NWD2: variants seen among roughly 807,000 people sequenced by gnomAD.
NWD2 encodes the protein NACHT and WD repeat domain-containing protein 2.
Under a neutral mutation model 132.7 loss-of-function variants are expected in NWD2, and 37 were observed. That is an observed-to-expected ratio of 0.28 (90% confidence interval 0.21 to 0.37). The LOEUF (loss-of-function observed/expected upper bound fraction) is 0.37. Among genes scored for constraint, NWD2 ranks in the 10% least tolerant of loss-of-function variants. The pLI is 1.00. For missense variants in NWD2, 1,592 were observed against 2,122.4 expected (o/e 0.75, Z 4.91); for synonymous variants, 705 against 803.0 (o/e 0.88, Z 2.06).
intron 2 of NWD2, among the ~76,000 whole-genome samples, chr4:37,340,355 C>A (rs184046351): frequency 2.2e-4 from 34 of 152,310 alleles, no homozygotes; most frequent in African/African-American, 7.5e-4. Flanking sequence ...TGGCATCTAC[C>A]CCAGAGCCCC....
chr4:37,276,443 C>T (rs2109266051), intron 1 of NWD2, among the ~76,000 whole-genome samples: 1 of 152,242 alleles, frequency 6.6e-6, no homozygotes, highest in African/African-American at 2.4e-5. Context: ...CAGGAAACAA[C>T]AGGTGCTGGA....
intron 3 of NWD2, among the ~76,000 whole-genome samples, chr4:37,424,152 A>G (rs1243869471): frequency 6.6e-6 from 1 of 152,128 alleles, no homozygotes; most frequent in Non-Finnish European, 1.5e-5. Flanking sequence ...AACATTGAAC[A>G]TGCCATAGTC....
chr4:37,396,863 T>A (rs966886634), intron 3 of NWD2, among the ~76,000 whole-genome samples: 2 of 152,090 alleles, frequency 1.3e-5, no homozygotes, highest in African/African-American at 4.8e-5. Flanking sequence ...TGAAACCCCA[T>A]CTCTACTAAA....
intron 3 of NWD2, among the ~76,000 whole-genome samples, chr4:37,393,748 G>A (rs1310277811): frequency 6.6e-6 from 1 of 152,086 alleles, no homozygotes; most frequent in Non-Finnish European, 1.5e-5. Context: ...GATGTAACAC[G>A]GACTTCTGCA....
rs1056706429 is a variant in NWD2 at position 37,332,159 on chromosome 4, C to G, written c.240+6135C>G. On this transcript the variant is annotated intron_variant, in intron 2 of 6. Coordinates refer to ENST00000309447, the MANE Select transcript of NWD2 (RefSeq NM_001144990.2). Reference sequence around the variant, plus strand: ...TCCTGGTGCTGGGCTGGGCTTGGCACCAGTGGACTTGGGGTGCATGTGAAC... The same window carrying G: ...TCCTGGTGCTGGGCTGGGCTTGGCAGCAGTGGACTTGGGGTGCATGTGAAC... Among the ~76,000 whole-genome samples, 6 of 152,124 alleles carry G rather than the reference C, an allele frequency of 3.9e-5. No individual in the cohort carries two copies. In the East Asian group the frequency reaches 1.2e-3, roughly 29 times the overall value.
chr4:37,346,081 CAAA>C (rs1198830447), intron 2 of NWD2, among the ~76,000 whole-genome samples: 6 of 92,164 alleles, frequency 6.5e-5, no homozygotes, highest in Admixed American at 1.2e-4. Flanking sequence ...TACTCTGTCT[CAAA>C]AAAAAAAAAA....
At chr4:37,422,926 G>A (rs924008309) in intron 3 of NWD2, among the ~76,000 whole-genome samples, 2 of 151,688 alleles carry the variant, frequency 1.3e-5, no homozygotes, top group Non-Finnish European at 2.9e-5. Flanking sequence ...CTATTTCAGA[G>A]ACTCATATTC....
chr4:37,297,968 C>A (rs949756982), intron 1 of NWD2, among the ~76,000 whole-genome samples: 1 of 152,082 alleles, frequency 6.6e-6, no homozygotes, highest in Non-Finnish European at 1.5e-5. Context: ...AGGAACACCC[C>A]TAGGTTGAAC....
chr4:37,348,667 T>TACACACAC (rs1424442171), intron 2 of NWD2, among the ~76,000 whole-genome samples: 5 of 71,798 alleles, frequency 7.0e-5, no homozygotes, highest in African/African-American at 2.9e-4. Flanking sequence ...TATATATATA[T>TACACACAC]ATATATATAC....
In NWD2 at chr4:37,429,606, G is replaced by A. The variant is rs555679490; in HGVS notation, c.358-966G>A. On this transcript the variant is annotated intron_variant, in intron 3 of 6. Transcript: ENST00000309447. The stretch of plus-strand genomic sequence containing the variant: ...GCTGGGATTACAGGCAAGAGCCATC[G>A]CACTCAGCCTGGAATCATCTTATGT... Among the ~76,000 whole-genome samples the A allele has an allele frequency of 8.5e-5, 13 of 152,220 alleles. No homozygotes were observed. In the South Asian group the frequency reaches 1.9e-3, roughly 22 times the overall value.
chr4:37,308,360 C>T (rs964474766), intron 1 of NWD2, among the ~76,000 whole-genome samples: 4 of 152,112 alleles, frequency 2.6e-5, no homozygotes, highest in South Asian at 2.1e-4. Flanking sequence ...CAGCTGTAAT[C>T]AGTGTCAGTG....
intron 1 of NWD2, among the ~76,000 whole-genome samples, chr4:37,298,255 A>AT (rs1377227604): frequency 6.6e-6 from 1 of 152,184 alleles, no homozygotes; most frequent in Non-Finnish European, 1.5e-5. Flanking sequence ...CACTCGTGCC[A>AT]TGAGAGGGCA....
chr4:37,321,992 C>T lies in NWD2; in HGVS notation c.152-3944C>T, dbSNP rs527459422. On this transcript the variant is annotated intron_variant, in intron 1 of 6. Coordinates refer to ENST00000309447, the MANE Select transcript of NWD2 (RefSeq NM_001144990.2). ...ATGACACCAACTATCTAAATACCACCGTTTCCCGAGATTTCAGAATCTTGC... is the reference window on the plus strand; with the variant it reads ...ATGACACCAACTATCTAAATACCACTGTTTCCCGAGATTTCAGAATCTTGC... Among the ~76,000 whole-genome samples the T allele has an allele frequency of 6.8e-4, 103 of 152,256 alleles. 3 individuals are homozygous for T. In the South Asian group the frequency reaches 0.012, roughly 18 times the overall value.
At chr4:37,405,201 TG>T (rs1386821994) in intron 3 of NWD2, among the ~76,000 whole-genome samples, 2 of 152,188 alleles carry the variant, frequency 1.3e-5, no homozygotes, top group Non-Finnish European at 2.9e-5. Context: ...AGCATCATCT[TG>T]ACTTTGTAGG....
chr4:37,355,881 T>C (rs1327104043), intron 2 of NWD2, among the ~76,000 whole-genome samples: 1 of 152,066 alleles, frequency 6.6e-6, no homozygotes, highest in Non-Finnish European at 1.5e-5. Context: ...CCTCATATGA[T>C]AGAGTGTGAT....
intron 1 of NWD2, among the ~76,000 whole-genome samples, chr4:37,262,225 C>A (rs565317008): frequency 9.7e-4 from 147 of 152,294 alleles, no homozygotes; most frequent in Non-Finnish European, 8.8e-5. Flanking sequence ...TAGAAGTCAA[C>A]TTTACCCACA....
At chr4:37,385,051 G>A (rs1720532954) in intron 3 of NWD2, among the ~76,000 whole-genome samples, 1 of 152,100 alleles carries the variant, frequency 6.6e-6, no homozygotes, top group Non-Finnish European at 1.5e-5. Context: ...CAATTATTAT[G>A]TCAATTTAAA....
At chr4:37,430,086 G>A (rs943785171) in intron 3 of NWD2, among the ~76,000 whole-genome samples, 2 of 152,066 alleles carry the variant, frequency 1.3e-5, no homozygotes, top group African/African-American at 4.8e-5. Flanking sequence ...GTTGCCAGTG[G>A]GGTTACTAGT....
intron 1 of NWD2, among the ~76,000 whole-genome samples, chr4:37,298,705 T>C (rs1217636193): frequency 6.6e-6 from 1 of 152,108 alleles, no homozygotes; most frequent in Non-Finnish European, 1.5e-5. Context: ...CAGACAAGGA[T>C]CATCAATGAA....
Sources: gnomAD v4.1 joint callset for allele counts (sites outside exome capture counted in the v4.1 genomes callset) on GRCh38, gnomAD v4.1.1 for gene constraint, MANE v1.5 for transcripts, NCBI Gene and HGNC (gene_info 2026-07-23, HGNC 2026-07-21) for gene names.